SUN2: variants seen among roughly 807,000 people sequenced by gnomAD.
SUN2 encodes Sad1 and UNC84 domain containing 2.
SUN2 carries 60 observed loss-of-function variants against 100.0 expected under a neutral mutation model. The ratio of observed to expected loss-of-function variants is 0.60; its 90% CI spans 0.49 to 0.74. The LOEUF (loss-of-function observed/expected upper bound fraction) is 0.74, where lower values mean the gene tolerates loss of function less well. SUN2 is among the 30% of genes least tolerant of loss of function. The pLI is 0.00. For missense variants in SUN2, 834 were observed against 954.6 expected, an observed-to-expected ratio of 0.87 and a Z score of 1.66; for synonymous variants, 367 against 403.3, an observed-to-expected ratio of 0.91 and a Z score of 1.08.
In SUN2 at chr22:38,755,634, C is replaced by T. The variant is rs2146125183; in HGVS notation, c.-38+129G>A. 3 of 952,716 alleles carry T rather than the reference C, an allele frequency of 3.1e-6. No individual in the cohort carries two copies. The highest frequency in any genetic ancestry group is 4.8e-5 in the South Asian group (1 of 20,712). 59.0% of individuals were successfully genotyped at this position (952,716 alleles called of 1,614,324 possible). ...CGCGGACCCGGGTGGAGGCTGGATC[C>T]GGCCCAGCACGTCCCGGAGAGGAGG... On this transcript the variant is annotated intron_variant, in intron 1 of 17. Coordinates refer to ENST00000689035, the MANE Select transcript of SUN2 (RefSeq NM_015374.3). The surrounding 1 kb of genome is among the most constrained non-coding windows in gnomAD (Gnocchi z 5.7).
chr22:38,752,309 G>A (rs557081759), intron 2 of SUN2, among the ~76,000 whole-genome samples, 198 bp downstream of exon 2: 1 of 152,362 alleles, frequency 6.6e-6, no homozygotes, highest in African/African-American at 2.4e-5. Context: ...CACAGTCGGT[G>A]GGAGAAGAAT....
At chr22:38,746,992 C>T (rs534420539) in intron 7 of SUN2, among the ~76,000 whole-genome samples, 9 of 150,260 alleles carry the variant, frequency 6.0e-5, no homozygotes, top group Admixed American at 6.7e-5. Context: ...CAAGATCGCA[C>T]GACTGCACTC....
Position 38,750,215 on chromosome 22 carries a change from T to C in SUN2, c.520+10A>G. ...AGAATGGAAGTAACTGGGCACGGGTTGCAGCCCACCTGGCGAAGTGGCCAC... is the reference window on the plus strand; with the variant it reads ...AGAATGGAAGTAACTGGGCACGGGTCGCAGCCCACCTGGCGAAGTGGCCAC... On this transcript the variant is annotated intron_variant, in intron 5 of 17. Transcript: ENST00000689035. 6.2e-7 allele frequency: 1 copy of C among 1,608,530 alleles called. No homozygotes were observed. The highest frequency in any genetic ancestry group is 2.2e-5 in the East Asian group (1 of 44,718).
intron 6 of SUN2, among the ~76,000 whole-genome samples, chr22:38,749,543 C>G (rs776559429): frequency 1.3e-5 from 2 of 152,184 alleles, no homozygotes; most frequent in Non-Finnish European, 2.9e-5. Context: ...CTCTGGAATC[C>G]TGCCTCGAAG....
rs968055498 is a variant in SUN2, at chr22:38,739,152, C to T, written c.1664-164G>A. On this transcript the variant is annotated intron_variant, in intron 14 of 17. Transcript: ENST00000689035. The surrounding 1 kb of genome is among the most constrained non-coding windows in gnomAD (Gnocchi z 6.7). ...GCTTTAAAGGTCAGCCTCTCCCTGG[C>T]CCAGGATGGTACTCGGTACGTCCTG... 4 of 908,372 alleles carry T rather than the reference C, an allele frequency of 4.4e-6. No homozygotes were observed. In the Admixed American group the frequency reaches 6.3e-5, roughly 14 times the overall value. The allele number at this position is 908,372 out of a possible 1,614,324, so 56.3% of individuals were successfully genotyped here. A position where few individuals can be genotyped will look rare whatever the true frequency, so the allele number is the denominator to read the frequency against.
chr22:38,740,963 G>A lies in SUN2; in HGVS notation c.1190+44C>T. On this transcript the variant is annotated intron_variant, in intron 11 of 17. Coordinates refer to ENST00000689035, the MANE Select transcript of SUN2 (RefSeq NM_015374.3). The surrounding 1 kb of genome is among the most constrained non-coding windows in gnomAD (Gnocchi z 4.8). ...CCAGTCCTGCCTGGAGAGTGGGTGG[G>A]GCTGGGGAGGAGCAGGCCGAGGCCA... The A allele has an allele frequency of 1.3e-6, 2 of 1,563,740 alleles. No individual in the cohort carries two copies. Among genetic ancestry groups the A allele is most frequent in the Non-Finnish European group, 1.7e-6 (2 of 1,153,058 alleles).
In SUN2 at chr22:38,752,621, C is replaced by T. The variant is rs764750687; in HGVS notation, c.8G>A (p.Arg3Gln). The change falls in exon 2 of 18, where the codon CGA becomes CAA. Residue 3 changes from arginine to glutamine, a missense_variant. Coordinates refer to ENST00000689035, the MANE Select transcript of SUN2 (RefSeq NM_015374.3). ...GTAGCGCGTGAGGCGCTGGCTTCTTCGGGACATGATGAGGTGGGATGTGGA... is the reference window on the plus strand; with the variant it reads ...GTAGCGCGTGAGGCGCTGGCTTCTTTGGGACATGATGAGGTGGGATGTGGA... MS[R>Q]RSQRLTRYSQ... The T allele has an allele frequency of 2.1e-5, 34 of 1,613,544 alleles. No individual in the cohort carries two copies. The highest frequency in any genetic ancestry group is 8.3e-5 in the Admixed American group (5 of 59,978).
intron 1 of SUN2, among the ~76,000 whole-genome samples, chr22:38,754,018 TAGGG>T (rs931133265): frequency 3.9e-5 from 6 of 152,050 alleles, no homozygotes; most frequent in Non-Finnish European, 7.4e-5. Context: ...ACTAACAAAA[TAGGG>T]AGGAGGAGGG....
chr22:38,738,895 T>A lies in SUN2; in HGVS notation c.1757A>T (p.Gln586Leu), dbSNP rs1256678018. 2 of 1,608,604 alleles carry A rather than the reference T, an allele frequency of 1.2e-6. No homozygotes were observed. Among genetic ancestry groups the A allele is most frequent in the Non-Finnish European group, 8.5e-7 (1 of 1,176,412 alleles). The change falls in exon 15 of 18, where the codon CAG (glutamine) becomes CTG (leucine). Residue 586 changes from glutamine (Q) to leucine (L), a missense_variant. Gln to Leu is a moderately radical substitution (Grantham distance 113, BLOSUM62 -2). Coordinates refer to ENST00000689035, the MANE Select transcript of SUN2 (RefSeq NM_015374.3). The surrounding 1 kb of genome is among the most constrained non-coding windows in gnomAD (Gnocchi z 6.6). Reference sequence around the variant, plus strand: ...CACCTGGAGGATGACTCGGGGTGACTGGGAGTGGTACCACAGGGGGATGCC... The same window carrying A: ...CACCTGGAGGATGACTCGGGGTGACAGGGAGTGGTACCACAGGGGGATGCC... The part of the protein sequence containing the change: ...LFGIPLWYHS[Q>L]SPRVILQPDV...
At chr22:38,741,703 G>A (rs2092859139) in intron 9 of SUN2, 132 bp from the exon 10 acceptor site, 13 of 784,316 alleles carry the variant, frequency 1.7e-5, no homozygotes. Context: ...AGCCTTCTCT[G>A]AACCACGCAA....
intron 7 of SUN2, among the ~76,000 whole-genome samples, chr22:38,746,899 T>C (rs1385985423): frequency 6.6e-6 from 1 of 151,864 alleles, no homozygotes; most frequent in African/African-American, 2.4e-5. Context: ...CCAGGCGTGG[T>C]GGCGGCCGCC....
chr22:38,746,859 A>G (rs1253054231), intron 7 of SUN2, among the ~76,000 whole-genome samples: 2 of 150,834 alleles, frequency 1.3e-5, no homozygotes, highest in Non-Finnish European at 2.9e-5. Flanking sequence ...GTGACACCCC[A>G]TCTCTACTAA....
At chr22:38,745,842 C>A in intron 7 of SUN2, 31 bp from the exon 8 acceptor site, 18 of 1,608,624 alleles carry the variant, frequency 1.1e-5, no homozygotes, top group Non-Finnish European at 1.4e-5. Context: ...GTTACCCCAG[C>A]TGGGCCTCCA....
intron 8 of SUN2, chr22:38,744,943 T>A (rs1011876462): frequency 9.2e-5 from 39 of 425,028 alleles, no homozygotes; most frequent in Non-Finnish European, 1.9e-4. Context: ...CCACCATCCC[T>A]CACTCCTCCC....
chr22:38,743,234 G>A, intron 8 of SUN2: 1 of 152,228 alleles, frequency 6.6e-6, no homozygotes, highest in East Asian at 1.9e-4. Flanking sequence ...GAGCAGCAGA[G>A]GTTCTGAGTT....
At position 38,755,045 on chromosome 22, in the gene SUN2, C is replaced by T. The variant is rs1010754368; in HGVS notation, c.-38+718G>A. On this transcript the variant is annotated intron_variant, in intron 1 of 17. Transcript: ENST00000689035. This position sits in a 1 kb window ranked among gnomAD's most constrained non-coding sequence, Gnocchi z 5.7. The stretch of plus-strand genomic sequence containing the variant: ...TCCTCCCTAACAATCAGTTAGGAAA[C>T]GCTCATCGGAAAGCATCCTTCCCCA... 5.5e-6 allele frequency: 6 copies of T among 1,083,948 alleles called. No homozygotes were observed. The highest frequency in any genetic ancestry group is 1.3e-4 in the East Asian group (2 of 15,782). 67.1% of individuals were successfully genotyped at this position (1,083,948 alleles called of 1,614,324 possible). A position where few individuals can be genotyped will look rare whatever the true frequency, so the allele number is the denominator to read the frequency against.
chr22:38,750,162 A>T lies in SUN2; in HGVS notation c.520+63T>A, dbSNP rs963709294. On this transcript the variant is annotated intron_variant, in intron 5 of 17. Transcript: ENST00000689035. ...GCATGGGCAGGATGCCCAACTGCAG[A>T]GAGATGGGTAAGAAAGCACTATCAC... 6 of 1,577,396 alleles carry T rather than the reference A, an allele frequency of 3.8e-6. No individual in the cohort carries two copies. In the African/African-American group the frequency reaches 8.1e-5, roughly 21 times the overall value.
rs750039034 is a variant in SUN2 at position 38,739,368 on chromosome 22, A to T, written c.1637T>A (p.Leu546Gln). 6.2e-7 allele frequency: 1 copy of T among 1,613,136 alleles called. No homozygotes were observed. The highest frequency in any genetic ancestry group is 8.5e-7 in the Non-Finnish European group (1 of 1,180,014). ...LQRYSEDRIG[L>Q]ADYALESGGA... ...TCCTGACTCCAGGGCGTAGTCTGCCAGCCCGATGCGGTCCTCACTGTAGCG... is the reference window on the plus strand; with the variant it reads ...TCCTGACTCCAGGGCGTAGTCTGCCTGCCCGATGCGGTCCTCACTGTAGCG... The change falls in exon 14 of 18, where the codon CTG becomes CAG. Residue 546 changes from leucine to glutamine, a missense_variant. By Grantham distance (113) the Leu-to-Gln change is moderately radical (BLOSUM62 -2). This residue lies in a region of SUN2 where 195 missense variants were observed against 280.2 expected (regional missense o/e 0.70). Coordinates refer to ENST00000689035, the MANE Select transcript of SUN2 (RefSeq NM_015374.3). This position sits in a 1 kb window ranked among gnomAD's most constrained non-coding sequence, Gnocchi z 6.7.
In SUN2 at chr22:38,738,704, G is replaced by T; in HGVS notation, c.1830C>A (p.Phe610Leu). Residue 610 changes from phenylalanine to leucine, a missense_variant, in exon 16 of 18, where the codon TTC becomes TTA. Physicochemically the swap from Phe to Leu is conservative, Grantham distance 22. Around this residue, in one of 3 missense-constraint regions of SUN2, gnomAD observed 195 missense variants for 280.2 expected, o/e 0.70. Transcript: ENST00000689035. This position sits in a 1 kb window ranked among gnomAD's most constrained non-coding sequence, Gnocchi z 6.6. ...NCWAFQGPQG[F>L]AVVRLSARIR... Reference sequence around the variant, plus strand: ...TGCGGGCAGAGAGGCGGACCACGGCGAAGCCTTGTGGCCCCTGGAAGGCCC... The same window carrying T: ...TGCGGGCAGAGAGGCGGACCACGGCTAAGCCTTGTGGCCCCTGGAAGGCCC... 1 of 1,613,686 alleles carries T rather than the reference G, an allele frequency of 6.2e-7. No homozygotes were observed. The highest frequency in any genetic ancestry group is 8.5e-7 in the Non-Finnish European group (1 of 1,179,998).
Sources: gnomAD v4.1 joint callset for allele counts (sites outside exome capture counted in the v4.1 genomes callset) on GRCh38, gnomAD v4.1.1 for gene constraint, gnomAD v4.1.1 regional missense constraint, Gnocchi (gnomAD v3.1) non-coding constraint, MANE v1.5 for transcripts, NCBI Gene and HGNC (gene_info 2026-07-23, HGNC 2026-07-21) for gene names.